CCDC141: variants seen among roughly 807,000 people sequenced by gnomAD.
The protein encoded by CCDC141 is coiled-coil domain containing 141.
CCDC141 carries 168 observed loss-of-function variants against 181.0 expected under a neutral mutation model. The ratio of observed to expected loss-of-function variants is 0.93; its 90% CI spans 0.82 to 1.05. The LOEUF (loss-of-function observed/expected upper bound fraction) is 1.05. Ranked by LOEUF, CCDC141 falls within the 50% of genes least tolerant of loss-of-function variation. The probability of loss-of-function intolerance (pLI) is 0.00; values close to 1 mark genes in which losing one functional copy is unlikely to be tolerated. For synonymous variants in CCDC141, 666 were observed against 642.3 expected, an observed-to-expected ratio of 1.04 and a Z score of -0.56; for missense variants, 1,902 against 1,788.5, an observed-to-expected ratio of 1.06 and a Z score of -1.14.
intron 2 of CCDC141, among the ~76,000 whole-genome samples, chr2:179,015,028 C>T (rs1156658024): frequency 7.9e-6 from 1 of 126,268 alleles, no homozygotes; most frequent in African/African-American, 3.1e-5. Flanking sequence ...ACCCAAATGC[C>T]CATCAATCAA....
At chr2:178,816,744 T>G in the CCDC141 span, among the ~76,000 whole-genome samples, 1 of 152,190 alleles carries the variant, frequency 6.6e-6, no homozygotes, top group African/African-American at 2.4e-5. Flanking sequence ...CTAATAGGTA[T>G]GTATTCTGAC....
chr2:178,921,789 C>CTA (rs1688700951), intron 6 of CCDC141, among the ~76,000 whole-genome samples: 1 of 152,196 alleles, frequency 6.6e-6, no homozygotes, highest in Admixed American at 6.5e-5. Flanking sequence ...TCCCACAAGT[C>CTA]TTTCTGTTTC....
intron 17 of CCDC141, among the ~76,000 whole-genome samples, chr2:178,862,731 G>A (rs1685675420): frequency 6.6e-6 from 1 of 152,250 alleles, no homozygotes; most frequent in Non-Finnish European, 1.5e-5. Context: ...GTCTTCATAT[G>A]AAATTGGAAA....
chr2:178,909,677 T>C (rs1009547115), intron 7 of CCDC141, among the ~76,000 whole-genome samples: 2 of 152,162 alleles, frequency 1.3e-5, no homozygotes, highest in African/African-American at 2.4e-5. Flanking sequence ...ACCCTCAAAA[T>C]AGAACTGAGT....
chr2:179,049,756 C>T (rs192928912), intron 1 of CCDC141, 84 bp downstream of exon 1: 29 of 1,436,146 alleles, frequency 2.0e-5, no homozygotes, highest in Non-Finnish European at 2.6e-5. Flanking sequence ...TGTGTCCTGC[C>T]GATTGCATGG....
intron 2 of CCDC141, among the ~76,000 whole-genome samples, chr2:179,004,938 G>C (rs1427056697): frequency 6.6e-6 from 1 of 152,066 alleles, no homozygotes; most frequent in Non-Finnish European, 1.5e-5. Flanking sequence ...TGCCATGTTG[G>C]CCAGGCTGGT....
Position 178,837,498 on chromosome 2 carries a change from A to C in CCDC141, c.3721T>G (p.Ser1241Ala). The C allele has an allele frequency of 6.2e-7, 1 of 1,614,042 alleles. No homozygotes were observed. Among genetic ancestry groups the C allele is most frequent in the Non-Finnish European group, 8.5e-7 (1 of 1,179,974 alleles). Reference protein sequence around the residue: ...DMEVEEPVSSSLSLHISSYGV... With the variant: ...DMEVEEPVSSALSLHISSYGV... ...TAGCTGCTTATGTGAAGGCTGAGGG[A>C]GGAGCTGACAGGCTCTTCCACCTCC... The change falls in exon 23 of 24, where the codon TCC (serine) becomes GCC (alanine). Residue 1241 changes from serine (S) to alanine (A), a missense_variant. Transcript: ENST00000443758.
chr2:178,987,384 T>A (rs1691804851), intron 2 of CCDC141, among the ~76,000 whole-genome samples: 2 of 151,892 alleles, frequency 1.3e-5, no homozygotes, highest in African/African-American at 4.8e-5. Context: ...AACCTAGGCA[T>A]TACCATTCAG....
chr2:178,958,730 A>G (rs1178670713), intron 5 of CCDC141, among the ~76,000 whole-genome samples: 3 of 151,778 alleles, frequency 2.0e-5, no homozygotes, highest in Non-Finnish European at 4.4e-5. Flanking sequence ...TGTTTTTTTT[A>G]CTACAGAGGA....
intron 8 of CCDC141, among the ~76,000 whole-genome samples, chr2:178,894,008 C>T (rs1687290915): frequency 6.6e-6 from 1 of 152,068 alleles, no homozygotes; most frequent in Non-Finnish European, 1.5e-5. Context: ...GTGAAGGGTA[C>T]CATTGCTAGG....
intron 5 of CCDC141, among the ~76,000 whole-genome samples, chr2:178,950,322 T>C (rs1339846714): frequency 2.0e-5 from 3 of 152,138 alleles, no homozygotes; most frequent in Non-Finnish European, 4.4e-5. Flanking sequence ...CATGTTTCCA[T>C]AGGGCTTTGG....
chr2:179,014,113 A>T (rs891451388), intron 2 of CCDC141, among the ~76,000 whole-genome samples: 18 of 152,036 alleles, frequency 1.2e-4, no homozygotes, highest in Admixed American at 2.0e-4. Context: ...CCACAAATAA[A>T]CCCAAATACT....
intron 2 of CCDC141, among the ~76,000 whole-genome samples, chr2:179,013,973 A>AAAG: frequency 6.7e-6 from 1 of 149,818 alleles, no homozygotes; most frequent in African/African-American, 2.4e-5. Context: ...AAAAAAAAAA[A>AAAG]AAAAAAAAAA....
intron 2 of CCDC141, among the ~76,000 whole-genome samples, chr2:179,018,628 C>A (rs531813323): frequency 1.3e-5 from 2 of 152,128 alleles, no homozygotes; most frequent in Admixed American, 1.3e-4. Context: ...TCCATGAAAC[C>A]CTTCTCTCCA....
intron 2 of CCDC141, among the ~76,000 whole-genome samples, chr2:179,016,953 G>A (rs1301288230): frequency 2.6e-5 from 4 of 152,016 alleles, no homozygotes; most frequent in Non-Finnish European, 5.9e-5. Context: ...TATTCCCTAT[G>A]TGGGTCACCA....
intron 11 of CCDC141, among the ~76,000 whole-genome samples, chr2:178,882,403 A>T (rs975385078): frequency 6.6e-6 from 1 of 152,174 alleles, no homozygotes; most frequent in Non-Finnish European, 1.5e-5. Flanking sequence ...ATTTTAAAAA[A>T]TAAAAATTAG....
intron 8 of CCDC141, among the ~76,000 whole-genome samples, chr2:178,901,522 T>C (rs2154372465): frequency 6.6e-6 from 1 of 152,244 alleles, no homozygotes; most frequent in East Asian, 1.9e-4. Flanking sequence ...ATAATCTCAA[T>C]AGATGCAGAA....
At chr2:178,854,263 G>A (rs1001881990) in intron 19 of CCDC141, among the ~76,000 whole-genome samples, 4 of 152,174 alleles carry the variant, frequency 2.6e-5, no homozygotes, top group African/African-American at 4.8e-5. Context: ...GGTGGCTCAC[G>A]CCTGTAATCC....
intron 2 of CCDC141, among the ~76,000 whole-genome samples, chr2:179,013,392 G>A (rs1357523714): frequency 1.3e-5 from 2 of 151,884 alleles, no homozygotes; most frequent in Non-Finnish European, 2.9e-5. Context: ...AAAATACTTA[G>A]GAATATACCA....
Sources: allele counts gnomAD v4.1 joint callset (sites outside exome capture counted in the v4.1 genomes callset), GRCh38; gene constraint gnomAD v4.1.1; transcripts MANE v1.5; gene names NCBI Gene and HGNC (gene_info 2026-07-23, HGNC 2026-07-21).